The following IQCB1 variants were observed in gnomAD, a reference collection of about 807,000 sequenced individuals.
IQCB1 encodes the protein IQ calmodulin-binding motif-containing protein 1.
Under a neutral mutation model 84.4 loss-of-function variants are expected in IQCB1, and 56 were observed. The ratio of observed to expected loss-of-function variants is 0.66; its 90% CI spans 0.54 to 0.83. IQCB1 has a LOEUF of 0.83. Among genes scored for constraint, IQCB1 ranks in the 40% least tolerant of loss-of-function variants. The pLI is 0.00. For missense variants in IQCB1, 629 were observed against 682.1 expected, an observed-to-expected ratio of 0.92 and a Z score of 0.87; for synonymous variants, 210 against 234.8, an observed-to-expected ratio of 0.89 and a Z score of 0.96.
intron 13 of IQCB1, among the ~76,000 whole-genome samples, chr3:121,775,295 TA>T (rs148811007): frequency 0.023 from 3,447 of 152,140 alleles, 132 homozygotes; most frequent in African/African-American, 0.079. Flanking sequence ...TATGCAGCCA[TA>T]AAAAAGGATG....
At position 121,820,366 on chromosome 3, in the gene IQCB1, C is replaced by T. The variant is rs1950230216; in HGVS notation, c.393+5685G>A. Among the ~76,000 whole-genome samples, 2 of 152,230 alleles carry T rather than the reference C, an allele frequency of 1.3e-5. 1 individual carries two copies. Among genetic ancestry groups the T allele is most frequent in the Middle Eastern group, 6.8e-3 (2 of 294 alleles). ...TTCTTCATCCATCTAGCATATTGAG[C>T]CATAATTCCTCAATTTGCCCAAATA... On this transcript the variant is annotated intron_variant, in intron 5 of 14. Transcript: ENST00000310864.
chr3:121,782,004 G>A, intron 12 of IQCB1, 130 bp from the exon 13 acceptor site: 3 of 900,052 alleles, frequency 3.3e-6, no homozygotes, highest in Non-Finnish European at 5.3e-6. Flanking sequence ...GGAGGGGAAT[G>A]GGACTGTGAC....
At chr3:121,786,694 G>A (rs890998633) in intron 12 of IQCB1, among the ~76,000 whole-genome samples, 8 of 151,922 alleles carry the variant, frequency 5.3e-5, no homozygotes, top group South Asian at 2.1e-4. Context: ...TCTTCCTTTC[G>A]TGCCAATGGA....
intron 5 of IQCB1, among the ~76,000 whole-genome samples, chr3:121,811,240 A>T (rs1436740324): frequency 6.6e-6 from 1 of 152,096 alleles, no homozygotes; most frequent in Non-Finnish European, 1.5e-5. Flanking sequence ...TCTGGCCCAG[A>T]TACTACGTTT....
intron 5 of IQCB1, among the ~76,000 whole-genome samples, chr3:121,815,928 C>CA (rs36019026): frequency 0.13 from 11,815 of 88,672 alleles, 712 homozygotes; most frequent in South Asian, 0.2. Context: ...CATGTGGAAC[C>CA]AAAAAAAAAA....
chr3:121,784,397 T>G (rs1948628002), intron 12 of IQCB1, among the ~76,000 whole-genome samples: 1 of 152,088 alleles, frequency 6.6e-6, no homozygotes, highest in South Asian at 2.1e-4. Context: ...ACAGTCCTTT[T>G]ATTAGTCTTT....
intron 5 of IQCB1, among the ~76,000 whole-genome samples, chr3:121,825,006 T>C (rs1323560319): frequency 1.3e-5 from 2 of 152,116 alleles, no homozygotes; most frequent in Non-Finnish European, 2.9e-5. Context: ...GGTTCTGACA[T>C]GCACGAGTTT....
At chr3:121,811,647 G>C (rs1299358466) in intron 5 of IQCB1, among the ~76,000 whole-genome samples, 2 of 152,194 alleles carry the variant, frequency 1.3e-5, no homozygotes, top group African/African-American at 4.8e-5. Flanking sequence ...TGTTAAGGAA[G>C]CCACTGGGAA....
intron 12 of IQCB1, among the ~76,000 whole-genome samples, chr3:121,784,254 C>A (rs1477064424): frequency 6.6e-6 from 1 of 150,868 alleles, no homozygotes; most frequent in Non-Finnish European, 1.5e-5. Context: ...ATATGTTGAC[C>A]AGGCTGGCCT....
At chr3:121,820,979 CT>C (rs11309493) in intron 5 of IQCB1, among the ~76,000 whole-genome samples, 96,601 of 150,320 alleles carry the variant, frequency 0.64, 31,519 homozygotes, top group African/African-American at 0.71. Context: ...CTGTTTTTTC[CT>C]TTTTTTTCTT....
At chr3:121,786,988 C>T (rs1948763174) in intron 12 of IQCB1, among the ~76,000 whole-genome samples, 1 of 152,126 alleles carries the variant, frequency 6.6e-6, no homozygotes, top group Non-Finnish European at 1.5e-5. Context: ...GTGTCTCCAA[C>T]CCTAATATCA....
intron 6 of IQCB1, among the ~76,000 whole-genome samples, chr3:121,807,952 C>T (rs559345874): frequency 2.3e-4 from 35 of 152,000 alleles, no homozygotes; most frequent in African/African-American, 7.5e-4. Flanking sequence ...CCAGTTATAA[C>T]GATTTAGCAC....
At chr3:121,820,639 T>C in intron 5 of IQCB1, among the ~76,000 whole-genome samples, 1 of 152,212 alleles carries the variant, frequency 6.6e-6, no homozygotes, top group East Asian at 1.9e-4. Context: ...TTCCCAGTTT[T>C]TACCTCTGGC....
chr3:121,782,296 T>C (rs1002017447), intron 12 of IQCB1, among the ~76,000 whole-genome samples: 2 of 152,244 alleles, frequency 1.3e-5, no homozygotes, highest in African/African-American at 2.4e-5. Flanking sequence ...TTCCTTCTCA[T>C]GTCCTTCAGA....
chr3:121,779,292 C>T (rs1393461057), intron 13 of IQCB1, among the ~76,000 whole-genome samples: 3 of 152,060 alleles, frequency 2.0e-5, no homozygotes, highest in Non-Finnish European at 4.4e-5. Flanking sequence ...ACTTACAGTC[C>T]CACAGCTCAG....
chr3:121,779,685 G>C (rs995867788), intron 13 of IQCB1, among the ~76,000 whole-genome samples: 4 of 152,100 alleles, frequency 2.6e-5, no homozygotes, highest in Admixed American at 2.0e-4. Flanking sequence ...TTAGCTGCTA[G>C]ACATTGTGAC....
intron 10 of IQCB1, among the ~76,000 whole-genome samples, chr3:121,793,515 G>T (rs980302735): frequency 1.1e-4 from 16 of 152,234 alleles, no homozygotes; most frequent in East Asian, 7.7e-4. Context: ...TACAAAGGAA[G>T]CAAGAGACAT....
chr3:121,826,042 A>G lies in IQCB1; in HGVS notation c.393+9T>C. Reference sequence around the variant, plus strand: ...TGATTTAGCTACAAAAGACTAAATAAACACATACCTTAGCTGCATTGATAA... The same window carrying G: ...TGATTTAGCTACAAAAGACTAAATAGACACATACCTTAGCTGCATTGATAA... On this transcript the variant is annotated intron_variant, in intron 5 of 14. Coordinates refer to ENST00000310864, the MANE Select transcript of IQCB1 (RefSeq NM_001023570.4). 2 of 1,611,000 alleles carry G rather than the reference A, an allele frequency of 1.2e-6. No homozygotes were observed. The highest frequency in any genetic ancestry group is 1.7e-6 in the Non-Finnish European group (2 of 1,177,412).
intron 14 of IQCB1, among the ~76,000 whole-genome samples, chr3:121,771,264 G>A (rs1947976836): frequency 6.6e-6 from 1 of 151,724 alleles, no homozygotes; most frequent in African/African-American, 2.4e-5. Flanking sequence ...GAGCCACCGT[G>A]CCCGGCCATT....
Sources: gnomAD v4.1 joint callset for allele counts (sites outside exome capture counted in the v4.1 genomes callset) on GRCh38, gnomAD v4.1.1 for gene constraint, MANE v1.5 for transcripts, NCBI Gene and HGNC (gene_info 2026-07-23, HGNC 2026-07-21) for gene names.